OLA1: variants seen among roughly 807,000 people sequenced by gnomAD.
The protein encoded by OLA1 is obg-like ATPase 1.
A neutral mutation model predicts 48.4 loss-of-function variants in OLA1; 14 were observed. The observed-to-expected ratio is 0.29, with a 90% confidence interval of 0.19 to 0.45. The LOEUF (loss-of-function observed/expected upper bound fraction) is 0.45. Ranked by LOEUF, OLA1 falls within the 20% of genes least tolerant of loss-of-function variation. OLA1 has a pLI of 1.00. For missense variants in OLA1, 325 were observed against 467.1 expected (o/e 0.70, Z 2.80); for synonymous variants, 127 against 150.4 (o/e 0.84, Z 1.14).
chr2:174,146,157 TA>T (rs34055675), intron 4 of OLA1, among the ~76,000 whole-genome samples: 85,575 of 151,986 alleles, frequency 0.56, 24,667 homozygotes, highest in East Asian at 0.95. Context: ...GGATGGAAGA[TA>T]AAGAGTTTAA....
chr2:174,224,874 G>T (rs1688581442), intron 3 of OLA1, among the ~76,000 whole-genome samples: 1 of 152,306 alleles, frequency 6.6e-6, no homozygotes, highest in Non-Finnish European at 1.5e-5. Flanking sequence ...TGTGCTACCT[G>T]TTACTAACTC....
chr2:174,120,209 T>C (rs1685882468), intron 7 of OLA1, among the ~76,000 whole-genome samples: 1 of 152,114 alleles, frequency 6.6e-6, no homozygotes, highest in Non-Finnish European at 1.5e-5. Context: ...GGTGCAAAGA[T>C]TGAAATTTAA....
chr2:174,221,035 A>T (rs936390488), intron 4 of OLA1, among the ~76,000 whole-genome samples: 1 of 152,132 alleles, frequency 6.6e-6, no homozygotes, highest in Admixed American at 6.5e-5. Context: ...GGATTTTTTT[A>T]AAATTCTGAT....
At chr2:174,233,436 C>T (rs553606230) in intron 2 of OLA1, among the ~76,000 whole-genome samples, 2 of 152,260 alleles carry the variant, frequency 1.3e-5, no homozygotes, top group South Asian at 4.2e-4. Context: ...TGCAGTGTCA[C>T]GATCTCGGCT....
chr2:174,178,032 C>A (rs1687455850), intron 4 of OLA1, among the ~76,000 whole-genome samples: 1 of 152,002 alleles, frequency 6.6e-6, no homozygotes, highest in South Asian at 2.1e-4. Context: ...AATATACTAG[C>A]CCTATTTTTA....
chr2:174,170,219 C>T (rs569019896), intron 4 of OLA1, among the ~76,000 whole-genome samples: 60 of 151,822 alleles, frequency 4.0e-4, no homozygotes, highest in East Asian at 3.3e-3. Flanking sequence ...GGCTACAGAG[C>T]GAGACTCCGT....
At chr2:174,092,212 T>C (rs1302776662) in intron 7 of OLA1, among the ~76,000 whole-genome samples, 2 of 151,934 alleles carry the variant, frequency 1.3e-5, no homozygotes, top group Non-Finnish European at 2.9e-5. Context: ...TGACCAGTTA[T>C]TGAGCCAAGG....
At chr2:174,235,031 T>C (rs1437834321) in intron 2 of OLA1, among the ~76,000 whole-genome samples, 1 of 152,036 alleles carries the variant, frequency 6.6e-6, no homozygotes, top group Non-Finnish European at 1.5e-5. Flanking sequence ...TGGTGGCACA[T>C]GCCTGTAATC....
At chr2:174,178,007 C>T in intron 4 of OLA1, among the ~76,000 whole-genome samples, 1 of 151,994 alleles carries the variant, frequency 6.6e-6, no homozygotes, top group African/African-American at 2.4e-5. Flanking sequence ...TCAACTAATT[C>T]TCTAGTGATT....
intron 4 of OLA1, among the ~76,000 whole-genome samples, chr2:174,218,179 AT>A (rs112455929): frequency 8.0e-5 from 12 of 150,316 alleles, no homozygotes; most frequent in Admixed American, 5.3e-4. Flanking sequence ...CTGGCTTTGA[AT>A]TTTTTTTTTC....
chr2:174,172,343 C>A, intron 4 of OLA1: 1 of 156,038 alleles, frequency 6.4e-6, no homozygotes. Context: ...GTGAGAGTGG[C>A]GAAAAGAGTG....
At chr2:174,079,645 A>C (rs1164311446) in intron 9 of OLA1, among the ~76,000 whole-genome samples, 2 of 151,932 alleles carry the variant, frequency 1.3e-5, no homozygotes, top group Non-Finnish European at 2.9e-5. Context: ...TCTAACCATC[A>C]TGAAGGAAAT....
chr2:174,168,025 G>A (rs1687208296), intron 4 of OLA1, among the ~76,000 whole-genome samples: 2 of 152,188 alleles, frequency 1.3e-5, no homozygotes, highest in Admixed American at 1.3e-4. Context: ...AAATCAGAAA[G>A]ACTGCTTAGG....
chr2:174,247,887 T>C, intron 1 of OLA1: 2 of 1,257,424 alleles, frequency 1.6e-6, no homozygotes, highest in Non-Finnish European at 2.2e-6. Flanking sequence ...ACCCTTGGAC[T>C]GCAAAGTGAA....
At chr2:174,242,772 C>G (rs536564731) in intron 2 of OLA1, among the ~76,000 whole-genome samples, 1 of 152,348 alleles carries the variant, frequency 6.6e-6, no homozygotes, top group South Asian at 2.1e-4. Flanking sequence ...TCAAAACGTA[C>G]TTTCGCCCCC....
Position 174,223,027 on chromosome 2 carries a change from A to G in OLA1, c.373+6T>C. ...AATCAATGATTAAATAAACAACTGT[A>G]CTTACGTGTTAGATGAAAGATGCCA... is the stretch of plus-strand genomic sequence containing the variant. On this transcript the variant is annotated splice_donor_region_variant and intron_variant, in intron 4 of 10. Transcript: ENST00000284719. 2 of 1,610,368 alleles carry G rather than the reference A, an allele frequency of 1.2e-6. No individual in the cohort carries two copies. The highest frequency in any genetic ancestry group is 2.2e-5 in the East Asian group (1 of 44,828).
intron 2 of OLA1, among the ~76,000 whole-genome samples, chr2:174,244,581 C>T (rs1461301004): frequency 6.6e-6 from 1 of 151,688 alleles, no homozygotes; most frequent in Non-Finnish European, 1.5e-5. Context: ...TAGTTGTTTA[C>T]TATTTTTTTT....
chr2:174,127,540 T>G (rs928173218), intron 5 of OLA1, among the ~76,000 whole-genome samples: 6 of 152,184 alleles, frequency 3.9e-5, no homozygotes, highest in Non-Finnish European at 7.4e-5. Context: ...ATAGCAGGAA[T>G]TATTAACCTA....
At chr2:174,080,034 A>G (rs779237338) in intron 9 of OLA1, among the ~76,000 whole-genome samples, 6 of 152,076 alleles carry the variant, frequency 3.9e-5, no homozygotes, top group Non-Finnish European at 7.4e-5. Context: ...CATCTTTAAA[A>G]TATATAGTAA....
Sources: gnomAD v4.1 joint callset for allele counts (sites outside exome capture counted in the v4.1 genomes callset) on GRCh38, gnomAD v4.1.1 for gene constraint, MANE v1.5 for transcripts, NCBI Gene and HGNC (gene_info 2026-07-23, HGNC 2026-07-21) for gene names.